The following TBC1D1 variants were observed in gnomAD, a reference collection of about 807,000 sequenced individuals.
TBC1D1 encodes TBC1 (tre-2/USP6, BUB2, cdc16) domain family, member 1.
A neutral mutation model predicts 125.6 loss-of-function variants in TBC1D1; 89 were observed. The ratio of observed to expected loss-of-function variants is 0.71; its 90% CI spans 0.60 to 0.85. TBC1D1 has a LOEUF of 0.85. Ranked by LOEUF, TBC1D1 falls within the 40% of genes least tolerant of loss-of-function variation. TBC1D1 has a pLI of 0.00. For synonymous variants in TBC1D1, 565 were observed against 564.1 expected (o/e 1.00, Z -0.02); for missense variants, 1,377 against 1,469.2 (o/e 0.94, Z 1.03).
At chr4:37,984,104 A>AT (rs1734949058) in intron 2 of TBC1D1, among the ~76,000 whole-genome samples, 1 of 151,588 alleles carries the variant, frequency 6.6e-6, no homozygotes, top group Admixed American at 6.6e-5. Context: ...TGGCTTGATC[A>AT]TTTTTTTGTG....
chr4:37,968,092 A>G (rs1731388386), intron 2 of TBC1D1, among the ~76,000 whole-genome samples: 1 of 152,382 alleles, frequency 6.6e-6, no homozygotes, highest in East Asian at 1.9e-4. Context: ...ACAGATGTTT[A>G]AATAGCAAAA....
chr4:38,064,613 C>T (rs1167107984), intron 12 of TBC1D1, among the ~76,000 whole-genome samples: 1 of 150,638 alleles, frequency 6.6e-6, no homozygotes, highest in African/African-American at 2.4e-5. Flanking sequence ...AGCATTCACA[C>T]AGAGCTACAT....
chr4:38,083,325 A>G lies in TBC1D1; in HGVS notation c.2051-6607A>G, dbSNP rs561386205. Among the ~76,000 whole-genome samples, 5 of 152,348 alleles carry G rather than the reference A, an allele frequency of 3.3e-5. No homozygotes were observed. In the East Asian group the frequency reaches 7.7e-4, roughly 23 times the overall value. ...CAAGAGTCAGCCAGCCTTGTCTTCTATATTCAGGCGCATACTATCTGGTCG... is the reference window on the plus strand; with the variant it reads ...CAAGAGTCAGCCAGCCTTGTCTTCTGTATTCAGGCGCATACTATCTGGTCG... On this transcript the variant is annotated intron_variant, in intron 12 of 19. Coordinates refer to ENST00000261439, the MANE Select transcript of TBC1D1 (RefSeq NM_015173.4).
chr4:37,894,496 G>A (rs1488568584), intron 1 of TBC1D1, among the ~76,000 whole-genome samples: 2 of 152,168 alleles, frequency 1.3e-5, no homozygotes, highest in African/African-American at 4.8e-5. Context: ...TTTTGAGTGT[G>A]CCTGTCTCCT....
chr4:38,052,881 A>T (rs1232545986), intron 11 of TBC1D1, among the ~76,000 whole-genome samples: 1 of 152,166 alleles, frequency 6.6e-6, no homozygotes, highest in Non-Finnish European at 1.5e-5. Flanking sequence ...TGGAAAATGG[A>T]TGGATTTTCT....
At chr4:38,001,223 A>AAAAG (rs34403727) in intron 2 of TBC1D1, among the ~76,000 whole-genome samples, 51,995 of 149,944 alleles carry the variant, frequency 0.35, 9,960 homozygotes, top group African/African-American at 0.51. Context: ...CCGTCTCAAA[A>AAAAG]AAAGAAAGAA....
At chr4:37,960,351 C>T in intron 2 of TBC1D1, 3 of 1,255,142 alleles carry the variant, frequency 2.4e-6, no homozygotes, top group Non-Finnish European at 3.3e-6. Flanking sequence ...CACCAATTTC[C>T]ACTATAGTTA....
intron 2 of TBC1D1, among the ~76,000 whole-genome samples, chr4:37,904,459 T>C (rs191936754): frequency 7.9e-4 from 121 of 152,358 alleles, no homozygotes; most frequent in African/African-American, 2.6e-3. Context: ...CTGAATTTCC[T>C]TGGGGAGAGT....
At chr4:37,998,095 C>T (rs1392706871) in intron 2 of TBC1D1, among the ~76,000 whole-genome samples, 2 of 152,150 alleles carry the variant, frequency 1.3e-5, no homozygotes, top group Admixed American at 6.5e-5. Flanking sequence ...CCAGCTTTAC[C>T]TTCTAGATAG....
In TBC1D1 at chr4:37,977,942, C is replaced by A. The variant is rs552826130; in HGVS notation, c.418-36567C>A. Among the ~76,000 whole-genome samples the A allele has an allele frequency of 6.3e-4, 96 of 152,266 alleles. 4 individuals carry two copies. The highest frequency in any genetic ancestry group is 1.5e-3 in the African/African-American group (61 of 41,562). ...CCTCGTGTGTCTCCCTCGCAGAAGTCGGCTTGCGCTGGGCCGCCTGGACAG... is the reference window on the plus strand; with the variant it reads ...CCTCGTGTGTCTCCCTCGCAGAAGTAGGCTTGCGCTGGGCCGCCTGGACAG... On this transcript the variant is annotated intron_variant, in intron 2 of 19. Transcript: ENST00000261439. The surrounding 1 kb of genome is among the most constrained non-coding windows in gnomAD (Gnocchi z 4.3).
chr4:37,983,719 C>T (rs1043000658), intron 2 of TBC1D1, among the ~76,000 whole-genome samples: 1 of 152,318 alleles, frequency 6.6e-6, no homozygotes, highest in South Asian at 2.1e-4. Context: ...CAGAATGGTG[C>T]ATTTGTTACA....
At chr4:37,984,557 T>C (rs1301216767) in intron 2 of TBC1D1, among the ~76,000 whole-genome samples, 1 of 152,172 alleles carries the variant, frequency 6.6e-6, no homozygotes, top group Non-Finnish European at 1.5e-5. Context: ...ATAGAAATAA[T>C]GTTAGGCCAG....
intron 2 of TBC1D1, among the ~76,000 whole-genome samples, chr4:37,940,479 T>C (rs1251538848): frequency 6.6e-6 from 1 of 152,174 alleles, no homozygotes; most frequent in Non-Finnish European, 1.5e-5. Context: ...ACAGGGACAA[T>C]TTGATTTCCT....
At chr4:37,914,062 C>T (rs532079744) in intron 2 of TBC1D1, among the ~76,000 whole-genome samples, 1 of 152,068 alleles carries the variant, frequency 6.6e-6, no homozygotes, top group Non-Finnish European at 1.5e-5. Flanking sequence ...TTGCTTCTAC[C>T]TCTTCTTCTC....
intron 2 of TBC1D1, among the ~76,000 whole-genome samples, chr4:37,987,584 A>G (rs1195178843): frequency 6.6e-6 from 1 of 152,210 alleles, no homozygotes; most frequent in Admixed American, 6.5e-5. Context: ...TAGATATACC[A>G]TATGGAAACT....
At chr4:38,006,616 C>T (rs1342715906) in intron 2 of TBC1D1, among the ~76,000 whole-genome samples, 6 of 151,564 alleles carry the variant, frequency 4.0e-5, no homozygotes, top group East Asian at 2.0e-4. Flanking sequence ...GTAGCTGGGA[C>T]TACAGGCATG....
chr4:37,907,884 C>T (rs187236430), intron 2 of TBC1D1, among the ~76,000 whole-genome samples: 2 of 152,332 alleles, frequency 1.3e-5, no homozygotes, highest in Admixed American at 1.3e-4. Flanking sequence ...ATCTGCCCCT[C>T]ATACTGATTG....
intron 8 of TBC1D1, among the ~76,000 whole-genome samples, chr4:38,039,345 C>G (rs1001252326): frequency 2.6e-5 from 4 of 151,950 alleles, no homozygotes; most frequent in Non-Finnish European, 4.4e-5. Flanking sequence ...TCTCGATCTC[C>G]TGACCTTGTG....
chr4:37,935,568 A>C (rs577813743), intron 2 of TBC1D1, among the ~76,000 whole-genome samples: 27 of 152,104 alleles, frequency 1.8e-4, no homozygotes, highest in Non-Finnish European at 3.1e-4. Flanking sequence ...AGTATTTCTC[A>C]TCTGGACTAC....
Sources: allele counts gnomAD v4.1 joint callset (sites outside exome capture counted in the v4.1 genomes callset), GRCh38; gene constraint gnomAD v4.1.1; non-coding constraint Gnocchi (gnomAD v3.1); transcripts MANE v1.5; gene names NCBI Gene and HGNC (gene_info 2026-07-23, HGNC 2026-07-21).